Variants in GSPT1 observed in about 807,000 individuals in gnomAD.
GSPT1 encodes the protein eukaryotic peptide chain release factor GTP-binding subunit ERF3A.
A neutral mutation model predicts 72.5 loss-of-function variants in GSPT1; 20 were observed. That is an observed-to-expected ratio of 0.28 (90% confidence interval 0.19 to 0.40). The LOEUF (loss-of-function observed/expected upper bound fraction) is 0.40, where lower values mean the gene tolerates loss of function less well. GSPT1 is among the 10% of genes least tolerant of loss of function. The pLI, the probability that GSPT1 is intolerant of heterozygous loss-of-function variation, is 1.00. For missense variants in GSPT1, 580 were observed against 811.9 expected (o/e 0.71, Z 3.47); for synonymous variants, 334 against 293.5 (o/e 1.14, Z -1.41).
chr16:11,896,921 G>A, intron 3 of GSPT1, 136 bp from the exon 4 acceptor site: 1 of 644,250 alleles, frequency 1.6e-6, no homozygotes, highest in South Asian at 2.0e-5. Context: ...ACATAAGCAG[G>A]AAAACCTCTT....
chr16:11,899,494 G>A (rs1026297649), intron 1 of GSPT1, among the ~76,000 whole-genome samples: 1 of 152,040 alleles, frequency 6.6e-6, no homozygotes, highest in Admixed American at 6.6e-5. Flanking sequence ...CAACTAGGAG[G>A]GGATGGGGGC....
intron 6 of GSPT1, among the ~76,000 whole-genome samples, chr16:11,888,068 T>C (rs1189536924): frequency 6.6e-6 from 1 of 152,150 alleles, no homozygotes; most frequent in Non-Finnish European, 1.5e-5. Context: ...GGCAGGAGAA[T>C]CGCTTGAACC....
At chr16:11,887,483 TTG>T (rs552423749) in intron 7 of GSPT1, 85 bp downstream of exon 7, 278 of 1,084,028 alleles carry the variant, frequency 2.6e-4, no homozygotes, top group Non-Finnish European at 3.6e-4. Context: ...CAACCTGAAT[TTG>T]AGCTTTTAGA....
In GSPT1 at chr16:11,872,300, C is replaced by G. The variant is rs2053987487; in HGVS notation, c.*819G>C. 1 of 151,364 alleles carries G rather than the reference C, an allele frequency of 6.6e-6. No homozygotes were observed. Among genetic ancestry groups the G allele is most frequent in the Non-Finnish European group, 1.5e-5 (1 of 67,900 alleles). The allele number at this position is 151,364 out of a possible 1,614,324, so 9.4% of individuals were successfully genotyped here. ...AGGGGTACAATTTCATTACGCTTTACTTATAAAAACTACAGTATGCTGTTC... is the reference window on the plus strand; with the variant it reads ...AGGGGTACAATTTCATTACGCTTTAGTTATAAAAACTACAGTATGCTGTTC... On this transcript the variant is annotated 3_prime_UTR_variant, in exon 15 of 15. Transcript: ENST00000434724.
intron 1 of GSPT1, chr16:11,914,964 A>C: frequency 2.4e-6 from 3 of 1,256,134 alleles, no homozygotes; most frequent in Non-Finnish European, 3.1e-6. Context: ...GTCCTCCCCA[A>C]CTCCTGGGAT....
intron 4 of GSPT1, chr16:11,895,761 G>C (rs1363911706): frequency 1.3e-5 from 2 of 152,382 alleles, no homozygotes; most frequent in Admixed American, 6.5e-5. Context: ...GGAGTAGCTG[G>C]GATTACAGGC....
rs547743137 is a variant in GSPT1, at chr16:11,889,823, A to G, written c.776+1239T>C. Among the ~76,000 whole-genome samples, 149 of 151,734 alleles carry G rather than the reference A, an allele frequency of 9.8e-4. 1 individual carries two copies. Among genetic ancestry groups the G allele is most frequent in the African/African-American group, 3.4e-3 (140 of 41,364 alleles). The stretch of plus-strand genomic sequence containing the variant: ...GCCCGGCCATTTTTGTAGTTTTAGT[A>G]GAGACAGGGTTTCACCATATTGGCC... On this transcript the variant is annotated intron_variant, in intron 6 of 14. Coordinates refer to ENST00000434724, the MANE Select transcript of GSPT1 (RefSeq NM_002094.4).
intron 11 of GSPT1, among the ~76,000 whole-genome samples, chr16:11,880,858 G>A (rs1272933487): frequency 6.6e-6 from 1 of 152,124 alleles, no homozygotes; most frequent in African/African-American, 2.4e-5. Flanking sequence ...CATTCCGTAG[G>A]TTGCCAACCC....
rs1237979412 is a variant in GSPT1, at chr16:11,883,120, A to G, written c.1348-25T>C. ...CCTGATCAAATGTAAAATAAAATCC[A>G]GTTTCAGACTTCTTGGTGCTGTATA... On this transcript the variant is annotated intron_variant, in intron 10 of 14. Coordinates refer to ENST00000434724, the MANE Select transcript of GSPT1 (RefSeq NM_002094.4). The G allele has an allele frequency of 2.8e-6, 4 of 1,444,846 alleles. No homozygotes were observed. The African/African-American group carries it at 5.6e-5, about 20-fold the overall frequency. 89.5% of individuals were successfully genotyped at this position (1,444,846 alleles called of 1,614,324 possible). A position where few individuals can be genotyped will look rare whatever the true frequency, so the allele number is the denominator to read the frequency against.
chr16:11,880,899 CTT>C (rs1191902504), intron 11 of GSPT1, among the ~76,000 whole-genome samples: 6 of 152,116 alleles, frequency 3.9e-5, no homozygotes, highest in Admixed American at 3.9e-4. Context: ...AGTCTGGCCT[CTT>C]TTTTATTTGA....
At chr16:11,914,999 C>T in intron 1 of GSPT1, 1 of 1,289,390 alleles carries the variant, frequency 7.8e-7, no homozygotes, top group Non-Finnish European at 1.0e-6. Flanking sequence ...CCAAATGACT[C>T]CTGGCTCCAT....
Position 11,896,652 on chromosome 16 carries a change from C to G in GSPT1, c.570G>C (p.Glu190Asp), listed in dbSNP as rs1388901434. The G allele has an allele frequency of 1.2e-6, 2 of 1,609,750 alleles. No homozygotes were observed. The highest frequency in any genetic ancestry group is 8.5e-7 in the Non-Finnish European group (1 of 1,177,910). The change falls in exon 4 of 15, where the codon GAG (glutamate) becomes GAC (aspartate). Residue 190 changes from glutamate (E) to aspartate (D), a missense_variant. Transcript: ENST00000434724. ...TAGGTTTTGGGATTTCCTCTTCCTC[C>G]TCCATCATTTCATGGGCACTTTCCT... is the stretch of plus-strand genomic sequence containing the variant. ...PPEESAHEMM[E>D]EEEEIPKPKS...
intron 14 of GSPT1, 69 bp from the exon 15 acceptor site, chr16:11,873,240 T>C: frequency 5.4e-6 from 4 of 738,826 alleles, no homozygotes; most frequent in South Asian, 3.5e-5. Flanking sequence ...TTAAAACTTA[T>C]TATTTTAAAT....
chr16:11,916,188 G>A, upstream of GSPT1: 1 of 347,008 alleles, frequency 2.9e-6, no homozygotes, highest in South Asian at 2.1e-5. Context: ...CAGGGACAGG[G>A]CGCAACCGGA....
chr16:11,910,596 T>C (rs1003835950), intron 1 of GSPT1, among the ~76,000 whole-genome samples: 1 of 152,170 alleles, frequency 6.6e-6, no homozygotes, highest in Non-Finnish European at 1.5e-5. Flanking sequence ...TTCATTCCTT[T>C]CTCTTCAACC....
intron 10 of GSPT1, 141 bp from the exon 11 acceptor site, chr16:11,883,236 T>G: frequency 1.6e-6 from 1 of 610,190 alleles, no homozygotes; most frequent in Non-Finnish European, 3.0e-6. Context: ...CATCTTAAAC[T>G]CAGTAACAAA....
intron 1 of GSPT1, among the ~76,000 whole-genome samples, chr16:11,911,854 A>ATGTTTTTTT (rs2054562118): frequency 2.2e-5 from 1 of 45,384 alleles, no homozygotes; most frequent in East Asian, 8.0e-4. Context: ...ACCCAGCTGT[A>ATGTTTTTTT]TTTTTTTTTT....
intron 1 of GSPT1, among the ~76,000 whole-genome samples, chr16:11,899,203 T>C (rs935698153): frequency 5.3e-5 from 8 of 152,178 alleles, no homozygotes; most frequent in Non-Finnish European, 7.3e-5. Flanking sequence ...TGTAAAATCA[T>C]TGCCCGGAAA....
chr16:11,896,902 C>T (rs187675833), intron 3 of GSPT1, 117 bp from the exon 4 acceptor site: 7 of 686,108 alleles, frequency 1.0e-5, no homozygotes, highest in Admixed American at 5.4e-5. Context: ...TTTCCTAATG[C>T]CTAGTGACAC....
Sources: allele counts gnomAD v4.1 joint callset (sites outside exome capture counted in the v4.1 genomes callset), GRCh38; gene constraint gnomAD v4.1.1; transcripts MANE v1.5; gene names NCBI Gene and HGNC (gene_info 2026-07-23, HGNC 2026-07-21).